The following UGT2B11 variants were observed in gnomAD, a reference collection of about 807,000 sequenced individuals.
The protein encoded by UGT2B11 is UDP-glucuronosyltransferase 2B11.
A neutral mutation model predicts 51.7 loss-of-function variants in UGT2B11; 49 were observed. That is an observed-to-expected ratio of 0.95 (90% CI 0.75 to 1.20). UGT2B11 has a LOEUF of 1.20. Ranked by LOEUF, UGT2B11 falls within the 50% of genes most tolerant of loss-of-function variation. UGT2B11 has a pLI of 0.00. For missense variants in UGT2B11, 810 were observed against 622.1 expected (o/e 1.30, Z -3.21); for synonymous variants, 273 against 209.0 (o/e 1.31, Z -2.64).
At chr4:69,223,800 T>C in the UGT2B11 span, among the ~76,000 whole-genome samples, 1 of 152,114 alleles carries the variant, frequency 6.6e-6, no homozygotes, top group Non-Finnish European at 1.5e-5. Flanking sequence ...GGTCCAGTAA[T>C]CTGTGTCCCA....
rs1458340649 is a variant in UGT2B11 at position 69,200,446 on chromosome 4, T to A, written c.1584A>T (p.Arg528Ser). The part of the protein sequence containing the change: ...KFARKGKKGK[R>S]D ...CTTCAAATGTCAGACATAACTAATC[T>A]CTTTTTCCCTTCTTCCCTTTTCTAG... is the stretch of plus-strand genomic sequence containing the variant. The change falls in exon 6 of 6, where the codon AGA becomes AGT. Residue 528 changes from arginine to serine, a missense_variant. By Grantham distance (110) the Arg-to-Ser change is moderately radical (BLOSUM62 -1). Coordinates refer to ENST00000446444, the MANE Select transcript of UGT2B11 (RefSeq NM_001073.3). 3.7e-6 allele frequency: 6 copies of A among 1,610,132 alleles called. No homozygotes were observed. The South Asian group carries it at 6.6e-5, about 18-fold the overall frequency.
chr4:69,213,999 T>G lies in UGT2B11; in HGVS notation c.721+3A>C. On this transcript the variant is annotated splice_donor_region_variant and intron_variant, in intron 1 of 5. Transcript: ENST00000446444. Reference sequence around the variant, plus strand: ...TCACGTTACCGATTAAACAAATTCTTACCTAAAACTTCACTGTAAAACTGA... The same window carrying G: ...TCACGTTACCGATTAAACAAATTCTGACCTAAAACTTCACTGTAAAACTGA... The G allele has an allele frequency of 3.2e-6, 5 of 1,554,868 alleles. No homozygotes were observed. The highest frequency in any genetic ancestry group is 4.3e-6 in the Non-Finnish European group (5 of 1,154,930).
rs1456792798 is a variant in UGT2B11 at position 69,205,472 on chromosome 4, A to C, written c.1090+8T>G. The C allele has an allele frequency of 3.7e-6, 6 of 1,608,894 alleles. No individual in the cohort carries two copies. Among genetic ancestry groups the C allele is most frequent in the Middle Eastern group, 1.7e-4 (1 of 6,000 alleles). ...AATATATCCAGTATTTGTTCACCAGAGTGTTACCTAGAAGGTCATTCTGGG... is the reference window on the plus strand; with the variant it reads ...AATATATCCAGTATTTGTTCACCAGCGTGTTACCTAGAAGGTCATTCTGGG... On this transcript the variant is annotated splice_region_variant and intron_variant, in intron 4 of 5. Transcript: ENST00000446444.
At position 69,200,695 on chromosome 4, in the gene UGT2B11, T is replaced by A. The variant is rs765742040; in HGVS notation, c.1335A>T (p.Leu445Phe). Residue 445 changes from leucine to phenylalanine, a missense_variant, in exon 6 of 6, where the codon TTA (leucine) becomes TTT (phenylalanine). Leu to Phe is a conservative substitution (Grantham distance 22). Transcript: ENST00000446444. ...DPLYKENIMKLSRIQHDQPVK... is the reference protein window; with the variant it reads ...DPLYKENIMKFSRIQHDQPVK... The stretch of plus-strand genomic sequence containing the variant: ...CTGGTTGATCATGTTGAATTCTTGA[T>A]AATTTCATAATATTCTCTTTATATC... The A allele has an allele frequency of 3.7e-6, 6 of 1,611,094 alleles. No individual in the cohort carries two copies. The highest frequency in any genetic ancestry group is 5.1e-6 in the Non-Finnish European group (6 of 1,178,478).
rs1722122573 is a variant in UGT2B11, at chr4:69,212,802, G to A, written c.722-81C>T. 6.8e-6 allele frequency: 10 copies of A among 1,474,082 alleles called. No homozygotes were observed. The South Asian group carries it at 1.5e-4, about 22-fold the overall frequency. 91.3% of individuals were successfully genotyped at this position (1,474,082 alleles called of 1,614,324 possible). A position where few individuals can be genotyped will look rare whatever the true frequency, so the allele number is the denominator to read the frequency against. ...CCTTTCTGAAAAAGGTTAGAACAAT[G>A]TAAGCAAAGATGTAGGTAAAGTTTA... On this transcript the variant is annotated intron_variant, in intron 1 of 5. Coordinates refer to ENST00000446444, the MANE Select transcript of UGT2B11 (RefSeq NM_001073.3).
upstream of UGT2B11, chr4:69,216,289 A>G (rs1722272326): frequency 6.6e-6 from 1 of 151,808 alleles, no homozygotes; most frequent in Non-Finnish European, 1.5e-5. Flanking sequence ...CAGAACATTC[A>G]TGATATGTAG....
At chr4:69,220,461 TG>T in the UGT2B11 span, among the ~76,000 whole-genome samples, 2 of 28,770 alleles carry the variant, frequency 7.0e-5, no homozygotes, top group East Asian at 1.1e-3. Flanking sequence ...GTGTTGGGGG[TG>T]GGGGGGCTCA....
chr4:69,217,469 A>T (rs1722303226), upstream of UGT2B11, among the ~76,000 whole-genome samples: 1 of 152,046 alleles, frequency 6.6e-6, no homozygotes, highest in Non-Finnish European at 1.5e-5. Flanking sequence ...ATTATGTGTC[A>T]CCCAGATTTT....
At chr4:69,213,365 CA>C (rs1284492514) in intron 1 of UGT2B11, among the ~76,000 whole-genome samples, 1 of 151,690 alleles carries the variant, frequency 6.6e-6, no homozygotes, top group Non-Finnish European at 1.5e-5. Flanking sequence ...GACATGGTTT[CA>C]ATAAACTATA....
intron 3 of UGT2B11, among the ~76,000 whole-genome samples, chr4:69,206,975 G>A (rs1721882184): frequency 6.6e-6 from 1 of 151,416 alleles, no homozygotes; most frequent in African/African-American, 2.4e-5. Flanking sequence ...TAACTTCATT[G>A]GAATTACAAA....
the UGT2B11 span, among the ~76,000 whole-genome samples, chr4:69,221,007 C>G: frequency 6.6e-6 from 1 of 152,168 alleles, no homozygotes; most frequent in African/African-American, 2.4e-5. Context: ...AGTCCCAAGC[C>G]TGCCTAGTAT....
At chr4:69,202,954 G>A (rs1019960725) in intron 5 of UGT2B11, among the ~76,000 whole-genome samples, 1 of 151,538 alleles carries the variant, frequency 6.6e-6, no homozygotes, top group African/African-American at 2.4e-5. Context: ...TGAATTGATG[G>A]TAGCTGGACT....
upstream of UGT2B11, among the ~76,000 whole-genome samples, chr4:69,218,470 G>T (rs1480713181): frequency 6.6e-6 from 1 of 152,030 alleles, no homozygotes. Context: ...GTATCAATAT[G>T]GGAAAAGTAG....
chr4:69,203,052 T>A (rs1241545739), intron 5 of UGT2B11, among the ~76,000 whole-genome samples: 1 of 151,628 alleles, frequency 6.6e-6, no homozygotes, highest in Non-Finnish European at 1.5e-5. Context: ...TTTTTGTGCT[T>A]CAAAGACCAT....
upstream of UGT2B11, chr4:69,215,996 C>A (rs1187731957): frequency 6.6e-6 from 1 of 151,982 alleles, no homozygotes. Context: ...ACAGATTTTT[C>A]ACCTTTCTAC....
At chr4:69,200,868 CATAG>C (rs1721632152) in intron 5 of UGT2B11, 149 bp from the exon 6 acceptor site, 2 of 1,074,514 alleles carry the variant, frequency 1.9e-6, no homozygotes, top group Middle Eastern at 3.5e-4. Flanking sequence ...TTTGAGTTAT[CATAG>C]ATAGTTTGGC....
intron 5 of UGT2B11, 169 bp downstream of exon 5, chr4:69,204,261 A>G (rs1577960087): frequency 4.4e-6 from 5 of 1,145,174 alleles, no homozygotes; most frequent in East Asian, 5.3e-5. Flanking sequence ...TGGGATTCAA[A>G]CACAATTTTT....
chr4:69,223,066 A>G, the UGT2B11 span, among the ~76,000 whole-genome samples: 1 of 152,126 alleles, frequency 6.6e-6, no homozygotes, highest in Non-Finnish European at 1.5e-5. Flanking sequence ...TACATAAGGG[A>G]CATCACTCCA....
chr4:69,223,787 G>A, the UGT2B11 span, among the ~76,000 whole-genome samples: 3 of 152,218 alleles, frequency 2.0e-5, no homozygotes, highest in African/African-American at 7.2e-5. Flanking sequence ...CCTCTCTTAC[G>A]GTGGTCCAGT....
Sources: allele counts gnomAD v4.1 joint callset (sites outside exome capture counted in the v4.1 genomes callset), GRCh38; gene constraint gnomAD v4.1.1; transcripts MANE v1.5; gene names NCBI Gene and HGNC (gene_info 2026-07-23, HGNC 2026-07-21).